The following COL4A4 variants were observed in gnomAD, a reference collection of about 807,000 sequenced individuals.
COL4A4 encodes collagen alpha-4(IV) chain.
COL4A4 carries 105 observed loss-of-function variants against 192.9 expected under a neutral mutation model. That is an observed-to-expected ratio of 0.54 (90% CI 0.46 to 0.64). COL4A4 has a LOEUF of 0.64. Among genes scored for constraint, COL4A4 ranks in the 30% least tolerant of loss-of-function variants. The probability of loss-of-function intolerance (pLI) is 0.00; values close to 1 mark genes in which losing one functional copy is unlikely to be tolerated. For synonymous variants in COL4A4, 762 were observed against 769.9 expected, an observed-to-expected ratio of 0.99 and a Z score of 0.17; for missense variants, 1,967 against 2,169.3, an observed-to-expected ratio of 0.91 and a Z score of 1.85.
intron 25 of COL4A4, among the ~76,000 whole-genome samples, chr2:227,071,335 C>G (rs1278842058): frequency 6.6e-6 from 1 of 152,004 alleles, no homozygotes; most frequent in Non-Finnish European, 1.5e-5. Flanking sequence ...ATAAAACGAT[C>G]AACAAGAAGA....
chr2:226,992,653 C>A, the COL4A4 span, among the ~76,000 whole-genome samples: 1 of 152,188 alleles, frequency 6.6e-6, no homozygotes, highest in Non-Finnish European at 1.5e-5. Flanking sequence ...AGAACTTAGA[C>A]TGGAACTTCT....
At chr2:227,052,808 C>T (rs1469217469) in intron 31 of COL4A4, among the ~76,000 whole-genome samples, 1 of 152,206 alleles carries the variant, frequency 6.6e-6, no homozygotes, top group Non-Finnish European at 1.5e-5. Flanking sequence ...TCCTCTCTTA[C>T]TTTCCTTATA....
chr2:226,994,172 A>G, the COL4A4 span, among the ~76,000 whole-genome samples: 1 of 152,332 alleles, frequency 6.6e-6, no homozygotes, highest in African/African-American at 2.4e-5. Context: ...CTCACTGGGC[A>G]GCATTGGAAG....
At chr2:227,103,120 A>C in intron 14 of COL4A4, 24 bp downstream of exon 14, 1 of 1,599,706 alleles carries the variant, frequency 6.3e-7, no homozygotes, top group Non-Finnish European at 8.5e-7. Flanking sequence ...AAATGAAAAA[A>C]AAAAAGGTAC....
rs1977415340 is a variant in COL4A4 at position 227,062,617 on chromosome 2, A to C, written c.1988-19T>G. 1 of 1,594,934 alleles carries C rather than the reference A, an allele frequency of 6.3e-7. No homozygotes were observed. The highest frequency in any genetic ancestry group is 1.3e-5 in the African/African-American group (1 of 74,458). The stretch of plus-strand genomic sequence containing the variant: ...GTGTCACCTGCAATGAGAAAAGAAA[A>C]GCGGCATTCACATAACTGATAGCCC... On this transcript the variant is annotated intron_variant, in intron 25 of 47. Coordinates refer to ENST00000396625, the MANE Select transcript of COL4A4 (RefSeq NM_000092.5).
the COL4A4 span, among the ~76,000 whole-genome samples, chr2:226,969,934 G>T: frequency 6.6e-6 from 1 of 151,788 alleles, no homozygotes; most frequent in Non-Finnish European, 1.5e-5. Context: ...AGGAGGGTCT[G>T]GTGTACTGGA....
chr2:227,094,106 T>C lies in COL4A4; in HGVS notation c.1369+19A>G, dbSNP rs2150684972. On this transcript the variant is annotated intron_variant, in intron 20 of 47. Transcript: ENST00000396625. ...AAAGCAGCATAAATGCTAATGGATA[T>C]GAATAAGGAGTACTTTACCACTTGA... The C allele has an allele frequency of 6.2e-7, 1 of 1,610,202 alleles. No individual in the cohort carries two copies. The highest frequency in any genetic ancestry group is 2.2e-5 in the East Asian group (1 of 44,866).
intron 1 of COL4A4, among the ~76,000 whole-genome samples, chr2:227,152,750 C>G (rs141090062): frequency 8.5e-5 from 13 of 152,340 alleles, no homozygotes; most frequent in Non-Finnish European, 1.8e-4. Flanking sequence ...TTCAACAAAG[C>G]TTTTGACTGC....
chr2:226,975,428 A>G, the COL4A4 span, among the ~76,000 whole-genome samples: 2 of 152,190 alleles, frequency 1.3e-5, no homozygotes, highest in Non-Finnish European at 1.5e-5. Context: ...TGCTTTCCTC[A>G]GAATGGCCAT....
rs1576455706 is a variant in COL4A4 at position 227,094,021 on chromosome 2, A to G, written c.1369+104T>C. ...AGACAACCAACTTAGCTCATGAAAC[A>G]TCATATAACTTTTAAAATATTTTAA... On this transcript the variant is annotated intron_variant, in intron 20 of 47. Coordinates refer to ENST00000396625, the MANE Select transcript of COL4A4 (RefSeq NM_000092.5). The G allele has an allele frequency of 5.3e-6, 6 of 1,121,964 alleles. No homozygotes were observed. The East Asian group carries it at 1.5e-4, about 28-fold the overall frequency. 69.5% of individuals were successfully genotyped at this position (1,121,964 alleles called of 1,614,324 possible). A position where few individuals can be genotyped will look rare whatever the true frequency, so the allele number is the denominator to read the frequency against.
chr2:227,015,040 A>G (rs928537690), intron 44 of COL4A4, among the ~76,000 whole-genome samples: 1 of 151,992 alleles, frequency 6.6e-6, no homozygotes, highest in South Asian at 2.1e-4. Flanking sequence ...CTGGGACTAC[A>G]GGTGCACGCC....
chr2:227,000,631 CAAGT>C (rs1473515651), downstream of COL4A4, among the ~76,000 whole-genome samples: 1 of 152,114 alleles, frequency 6.6e-6, no homozygotes, highest in African/African-American at 2.4e-5. Flanking sequence ...GACTGAGCAT[CAAGT>C]AAGGGCCTTC....
At chr2:227,133,293 G>T (rs1428267804) in intron 4 of COL4A4, among the ~76,000 whole-genome samples, 1 of 152,156 alleles carries the variant, frequency 6.6e-6, no homozygotes, top group Non-Finnish European at 1.5e-5. Flanking sequence ...GATTCCCAGG[G>T]GAGAGTCTTG....
rs1362830175 is a variant in COL4A4 at position 227,098,675 on chromosome 2, C to T, written c.1204+19G>A. 1 of 1,598,150 alleles carries T rather than the reference C, an allele frequency of 6.3e-7. No homozygotes were observed. Among genetic ancestry groups the T allele is most frequent in the Non-Finnish European group, 8.6e-7 (1 of 1,165,708 alleles). On this transcript the variant is annotated intron_variant, in intron 19 of 47. Transcript: ENST00000396625. ...GAAATCTGACCTGTAAAAGCCAGGG[C>T]ACATCAGGGCATCCGTACCTGCACA...
chr2:227,152,995 C>T (rs2064063897), intron 1 of COL4A4, among the ~76,000 whole-genome samples: 1 of 152,166 alleles, frequency 6.6e-6, no homozygotes, highest in Non-Finnish European at 1.5e-5. Flanking sequence ...TTCCACATGG[C>T]TAGGGAGGCC....
chr2:227,105,451 C>T (rs2060786800), intron 12 of COL4A4, among the ~76,000 whole-genome samples: 1 of 152,056 alleles, frequency 6.6e-6, no homozygotes, highest in South Asian at 2.1e-4. Flanking sequence ...TTTTTAGTGC[C>T]AATAAATAAT....
chr2:227,054,549 A>G, intron 31 of COL4A4, 45 bp downstream of exon 31: 1 of 1,610,058 alleles, frequency 6.2e-7, no homozygotes, highest in Non-Finnish European at 8.5e-7. Flanking sequence ...GGTTTGGATC[A>G]AATACCAGAA....
At chr2:227,080,368 G>C in intron 24 of COL4A4, 75 bp downstream of exon 24, 1 of 1,339,140 alleles carries the variant, frequency 7.5e-7, no homozygotes, top group Non-Finnish European at 1.1e-6. Context: ...TTGGCAAATA[G>C]AGAAAGGGGA....
the COL4A4 span, among the ~76,000 whole-genome samples, chr2:226,986,511 G>C: frequency 6.6e-6 from 1 of 151,996 alleles, no homozygotes; most frequent in African/African-American, 2.4e-5. Context: ...CCATCAAAAA[G>C]CAGGTAAAGG....
Sources: gnomAD v4.1 joint callset for allele counts (sites outside exome capture counted in the v4.1 genomes callset) on GRCh38, gnomAD v4.1.1 for gene constraint, MANE v1.5 for transcripts, NCBI Gene and HGNC (gene_info 2026-07-23, HGNC 2026-07-21) for gene names.